Variants in PARP4 observed in about 807,000 individuals in gnomAD.
PARP4 encodes the protein protein mono-ADP-ribosyltransferase PARP4.
In PARP4, 120 loss-of-function variants were observed where a neutral mutation model predicts 187.7. The observed-to-expected ratio is 0.64, with a 90% CI of 0.55 to 0.74. The LOEUF (loss-of-function observed/expected upper bound fraction) is 0.74, where lower values mean the gene tolerates loss of function less well. Ranked by LOEUF, PARP4 falls within the 30% of genes least tolerant of loss-of-function variation. The probability of loss-of-function intolerance (pLI) is 0.00; values close to 1 mark genes in which losing one functional copy is unlikely to be tolerated. For missense variants in PARP4, 1,836 were observed against 2,070.5 expected (o/e 0.89, Z 2.20); for synonymous variants, 654 against 740.9 (o/e 0.88, Z 1.90).
intron 22 of PARP4, among the ~76,000 whole-genome samples, 162 bp downstream of exon 22, chr13:24,454,855 C>T (rs1204470562): frequency 2.0e-5 from 3 of 152,110 alleles, no homozygotes; most frequent in South Asian, 2.1e-4. Flanking sequence ...CAGCTGGAAC[C>T]GGGACCTAGG....
At chr13:24,460,894 AGGCCT>A (rs112836619) in intron 17 of PARP4, among the ~76,000 whole-genome samples, 6 of 152,176 alleles carry the variant, frequency 3.9e-5, no homozygotes, top group African/African-American at 1.4e-4. Flanking sequence ...CTCAAACTCC[AGGCCT>A]CAAGTGACTC....
intron 8 of PARP4, among the ~76,000 whole-genome samples, chr13:24,493,078 A>G (rs1442138799): frequency 2.6e-5 from 4 of 152,216 alleles, no homozygotes; most frequent in Non-Finnish European, 5.9e-5. Context: ...TATTATTTCA[A>G]TACAACAATG....
At position 24,460,154 on chromosome 13, in the gene PARP4, G is replaced by T; in HGVS notation, c.2134-18C>A. The T allele has an allele frequency of 6.2e-7, 1 of 1,604,156 alleles. No individual in the cohort carries two copies. On this transcript the variant is annotated intron_variant, in intron 17 of 33. Coordinates refer to ENST00000381989, the MANE Select transcript of PARP4 (RefSeq NM_006437.4). The stretch of plus-strand genomic sequence containing the variant: ...AAAACGTCCTGAAACAGAAACATAT[G>T]ACTTAGCTTCCAACTTGAAAGCATA...
chr13:24,480,997 T>G (rs2137516046), intron 12 of PARP4, among the ~76,000 whole-genome samples: 1 of 152,370 alleles, frequency 6.6e-6, no homozygotes, highest in East Asian at 1.9e-4. Flanking sequence ...AATGGCTGGC[T>G]GCAAAGCTTC....
intron 15 of PARP4, among the ~76,000 whole-genome samples, chr13:24,472,118 G>T (rs1467310891): frequency 6.6e-6 from 1 of 152,158 alleles, no homozygotes; most frequent in Non-Finnish European, 1.5e-5. Flanking sequence ...TTATCATATT[G>T]TTTGTCTCTG....
At chr13:24,447,981 CA>C (rs1225981430) in intron 25 of PARP4, among the ~76,000 whole-genome samples, 6 of 152,154 alleles carry the variant, frequency 3.9e-5, no homozygotes, top group Non-Finnish European at 8.8e-5. Context: ...CCAAGGCAGG[CA>C]GATTGCTTGA....
chr13:24,468,946 A>T, intron 17 of PARP4, 78 bp downstream of exon 17: 1 of 1,062,842 alleles, frequency 9.4e-7, no homozygotes, highest in South Asian at 1.3e-5. Context: ...AGCCTCTAGC[A>T]TGAAATTCGT....
At chr13:24,421,391 T>C in intron 33 of PARP4, 77 bp from the exon 34 acceptor site, 1 of 582,740 alleles carries the variant, frequency 1.7e-6, no homozygotes, top group Admixed American at 3.1e-5. Context: ...CATCACATTA[T>C]ATCAGACAAA....
chr13:24,500,589 TATCA>T (rs1869219522), intron 3 of PARP4, among the ~76,000 whole-genome samples: 1 of 152,198 alleles, frequency 6.6e-6, no homozygotes, highest in African/African-American at 2.4e-5. Flanking sequence ...TTAATAAGCA[TATCA>T]GGAGGATTCT....
At chr13:24,449,669 T>C (rs766101006) in intron 25 of PARP4, 49 bp downstream of exon 25, 1 of 1,032,506 alleles carries the variant, frequency 9.7e-7, no homozygotes, top group East Asian at 2.4e-5. Flanking sequence ...CTCGGAAGAA[T>C]AAGAGATTTC....
intron 1 of PARP4, among the ~76,000 whole-genome samples, chr13:24,508,073 A>G (rs1287491907): frequency 1.3e-5 from 2 of 152,218 alleles, no homozygotes; most frequent in African/African-American, 4.8e-5. Flanking sequence ...TTCAATTAGC[A>G]TCTGTGCATA....
chr13:24,428,031 GA>G, intron 32 of PARP4, among the ~76,000 whole-genome samples: 1 of 152,056 alleles, frequency 6.6e-6, no homozygotes. Flanking sequence ...GAGAAATGAA[GA>G]AGAGGATAAA....
intron 1 of PARP4, among the ~76,000 whole-genome samples, chr13:24,505,334 T>C (rs1438352190): frequency 1.3e-5 from 2 of 152,134 alleles, no homozygotes; most frequent in Admixed American, 6.5e-5. Flanking sequence ...CTGGGCAGCA[T>C]GGCTTGTTGC....
rs567373149 is a variant in PARP4 at position 24,464,980 on chromosome 13, G to A, written c.2133+4044C>T. Among the ~76,000 whole-genome samples the A allele has an allele frequency of 2.0e-5, 3 of 152,006 alleles. No individual in the cohort carries two copies. The South Asian group carries it at 6.2e-4, about 32-fold the overall frequency. Reference sequence around the variant, plus strand: ...AAACCCCATTAAAAAGTGGGCAAAGGACATGAACAGACACTTCTCAAAAGA... The same window carrying A: ...AAACCCCATTAAAAAGTGGGCAAAGAACATGAACAGACACTTCTCAAAAGA... On this transcript the variant is annotated intron_variant, in intron 17 of 33. Transcript: ENST00000381989.
At chr13:24,484,507 A>T (rs1593637601) in intron 12 of PARP4, 146 bp downstream of exon 12, 1 of 613,424 alleles carries the variant, frequency 1.6e-6, no homozygotes, top group Non-Finnish European at 3.0e-6. Context: ...AGGATGCTGA[A>T]GATGAAATAG....
intron 17 of PARP4, among the ~76,000 whole-genome samples, chr13:24,467,634 C>T (rs1427684698): frequency 6.6e-6 from 1 of 152,078 alleles, no homozygotes; most frequent in African/African-American, 2.4e-5. Context: ...GCATGAATAC[C>T]ATATATTATG....
chr13:24,511,542 A>G (rs1365650149), intron 1 of PARP4, among the ~76,000 whole-genome samples: 1 of 152,170 alleles, frequency 6.6e-6, no homozygotes, highest in East Asian at 1.9e-4. Flanking sequence ...GCCTCCTCAC[A>G]AACTCTTGGC....
At chr13:24,456,797 G>A (rs561737514) in intron 20 of PARP4, among the ~76,000 whole-genome samples, 1 of 152,200 alleles carries the variant, frequency 6.6e-6, no homozygotes, top group Non-Finnish European at 1.5e-5. Flanking sequence ...CTAGTCAGGA[G>A]GCTGAGGCAG....
intron 33 of PARP4, among the ~76,000 whole-genome samples, chr13:24,422,639 T>C (rs2137425148): frequency 6.6e-6 from 1 of 152,278 alleles, no homozygotes; most frequent in Admixed American, 6.5e-5. Flanking sequence ...AGATGGAGTC[T>C]CACTGTGTCG....
Sources: allele counts gnomAD v4.1 joint callset (sites outside exome capture counted in the v4.1 genomes callset), GRCh38; gene constraint gnomAD v4.1.1; transcripts MANE v1.5; gene names NCBI Gene and HGNC (gene_info 2026-07-23, HGNC 2026-07-21).